Variants in CLSTN2 observed in about 807,000 individuals in gnomAD.
CLSTN2 encodes calsyntenin 2, also known as calsyntenin-2.
In CLSTN2, 48 loss-of-function variants were observed where a neutral mutation model predicts 101.2. That is an observed-to-expected ratio of 0.47 (90% confidence interval 0.38 to 0.60). The LOEUF (loss-of-function observed/expected upper bound fraction) is 0.60, where lower values mean the gene tolerates loss of function less well. CLSTN2 is among the 20% of genes least tolerant of loss of function. CLSTN2 has a pLI of 0.00. For missense variants in CLSTN2, 1,160 were observed against 1,238.2 expected (o/e 0.94, Z 0.95); for synonymous variants, 481 against 463.6 (o/e 1.04, Z -0.48).
intron 2 of CLSTN2, among the ~76,000 whole-genome samples, chr3:140,358,027 A>T (rs1051821138): frequency 8.5e-5 from 13 of 152,120 alleles, no homozygotes; most frequent in African/African-American, 3.1e-4. Context: ...CTCATGTCAC[A>T]TGGGGGTTAA....
chr3:140,330,795 A>G (rs531510441), intron 2 of CLSTN2, among the ~76,000 whole-genome samples: 1 of 152,286 alleles, frequency 6.6e-6, no homozygotes, highest in South Asian at 2.1e-4. Context: ...TGCACATCTA[A>G]CCTGGACTTG....
In CLSTN2 at chr3:140,491,770, C is replaced by A. The variant is rs574711491; in HGVS notation, c.1344+25039C>A. On this transcript the variant is annotated intron_variant, in intron 8 of 16. Coordinates refer to ENST00000458420, the MANE Select transcript of CLSTN2 (RefSeq NM_022131.3). ...CCAGGAGGTTGAGGCTGCAGTGAGCCGAAATTGCACCACTGCACTCCAGCC... is the reference window on the plus strand; with the variant it reads ...CCAGGAGGTTGAGGCTGCAGTGAGCAGAAATTGCACCACTGCACTCCAGCC... Among the ~76,000 whole-genome samples, 4 of 152,116 alleles carry A rather than the reference C, an allele frequency of 2.6e-5. No individual in the cohort carries two copies. The South Asian group carries it at 8.3e-4, about 32-fold the overall frequency.
chr3:140,154,599 T>C (rs763035799), intron 1 of CLSTN2, among the ~76,000 whole-genome samples: 1 of 150,560 alleles, frequency 6.6e-6, no homozygotes, highest in African/African-American at 2.4e-5. Flanking sequence ...GCGAAACACG[T>C]CTTAAATGGT....
intron 2 of CLSTN2, among the ~76,000 whole-genome samples, chr3:140,241,361 G>A (rs1457913522): frequency 1.3e-5 from 2 of 152,148 alleles, no homozygotes; most frequent in African/African-American, 4.8e-5. Context: ...TTAAATCTTA[G>A]TATCCATGTT....
rs935039358 is a variant in CLSTN2 at position 140,575,322 on chromosome 3, C to T, written c.*9069C>T. ...TACAAGTGACAGCACCAGGAACAAC[C>T]CCCTCCCCCAGATGCCAAAGCATTG... On this transcript the variant is annotated 3_prime_UTR_variant, in exon 17 of 17. Coordinates refer to ENST00000458420, the MANE Select transcript of CLSTN2 (RefSeq NM_022131.3). The T allele has an allele frequency of 7.9e-5, 12 of 152,254 alleles. No individual in the cohort carries two copies. The highest frequency in any genetic ancestry group is 5.9e-4 in the Admixed American group (9 of 15,300). The allele number at this position is 152,254 out of a possible 1,614,324, so 9.4% of individuals were successfully genotyped here. A position where few individuals can be genotyped will look rare whatever the true frequency, so the allele number is the denominator to read the frequency against.
intron 1 of CLSTN2, among the ~76,000 whole-genome samples, chr3:140,126,136 G>GATCA (rs2009426193): frequency 6.6e-6 from 1 of 152,154 alleles, no homozygotes; most frequent in Non-Finnish European, 1.5e-5. Flanking sequence ...GGAGAAGAGA[G>GATCA]ATCATTGGGT....
chr3:140,274,981 C>A (rs1381375635), intron 2 of CLSTN2, among the ~76,000 whole-genome samples: 1 of 152,152 alleles, frequency 6.6e-6, no homozygotes, highest in South Asian at 2.1e-4. Context: ...TGGAAGACAG[C>A]TTTTGGGATC....
In CLSTN2 at chr3:140,121,925, C is replaced by A. The variant is rs564387658; in HGVS notation, c.110-54026C>A. Reference sequence around the variant, plus strand: ...ATCTGGCTTGATCTTACCTTCCCTCCTGAGAAAACCAATTCTCATTAAGTC... The same window carrying A: ...ATCTGGCTTGATCTTACCTTCCCTCATGAGAAAACCAATTCTCATTAAGTC... On this transcript the variant is annotated intron_variant, in intron 1 of 16. Transcript: ENST00000458420. Among the ~76,000 whole-genome samples the A allele has an allele frequency of 1.3e-4, 20 of 152,280 alleles. No homozygotes were observed. The South Asian group carries it at 4.2e-3, about 32-fold the overall frequency.
intron 2 of CLSTN2, among the ~76,000 whole-genome samples, chr3:140,378,581 A>G (rs1392998158): frequency 6.6e-6 from 1 of 152,216 alleles, no homozygotes; most frequent in African/African-American, 2.4e-5. Flanking sequence ...CCCGAGACCT[A>G]GGCTTACTTG....
chr3:140,362,434 G>A (rs1235358590), intron 2 of CLSTN2, among the ~76,000 whole-genome samples: 2 of 152,048 alleles, frequency 1.3e-5, no homozygotes, highest in Non-Finnish European at 2.9e-5. Flanking sequence ...TGAAAAGCAT[G>A]ACTCATAAAA....
At chr3:140,234,793 G>T (rs4538338) in intron 2 of CLSTN2, among the ~76,000 whole-genome samples, 57,364 of 152,000 alleles carry the variant, frequency 0.38, 13,006 homozygotes, top group Non-Finnish European at 0.52. Context: ...TCTCCTTATT[G>T]CTCCGTGTAC....
At chr3:140,245,153 G>A (rs1053500256) in intron 2 of CLSTN2, among the ~76,000 whole-genome samples, 1 of 152,176 alleles carries the variant, frequency 6.6e-6, no homozygotes, top group Admixed American at 6.5e-5. Flanking sequence ...TTCCAGGGCT[G>A]GCAATGTGTT....
chr3:140,096,190 A>G (rs1265386080), intron 1 of CLSTN2, among the ~76,000 whole-genome samples: 1 of 152,086 alleles, frequency 6.6e-6, no homozygotes, highest in Non-Finnish European at 1.5e-5. Flanking sequence ...TTTTCTCTTC[A>G]GTGTCCAGTG....
intron 1 of CLSTN2, among the ~76,000 whole-genome samples, chr3:140,056,978 T>C (rs1025175): frequency 0.09 from 13,655 of 152,228 alleles, 698 homozygotes; most frequent in African/African-American, 0.13. Context: ...GCTAGAGTTT[T>C]CTGCCTCATG....
intron 1 of CLSTN2, among the ~76,000 whole-genome samples, chr3:140,026,033 A>T (rs2007413358): frequency 6.6e-6 from 1 of 152,126 alleles, no homozygotes; most frequent in Non-Finnish European, 1.5e-5. Context: ...AGATGGAGTG[A>T]TGGGGAGCAT....
At chr3:140,376,525 C>T (rs1169343949) in intron 2 of CLSTN2, among the ~76,000 whole-genome samples, 1 of 152,180 alleles carries the variant, frequency 6.6e-6, no homozygotes, top group African/African-American at 2.4e-5. Context: ...GTAGAATAAT[C>T]CAGTAGACAA....
intron 5 of CLSTN2, among the ~76,000 whole-genome samples, chr3:140,424,696 G>A (rs2088545183): frequency 1.3e-5 from 2 of 152,324 alleles, no homozygotes; most frequent in East Asian, 1.9e-4. Flanking sequence ...AATGCCTTGG[G>A]GGAAAGGTTT....
chr3:140,262,024 A>G (rs939000642), intron 2 of CLSTN2, among the ~76,000 whole-genome samples: 19 of 152,152 alleles, frequency 1.2e-4, no homozygotes, highest in African/African-American at 4.6e-4. Context: ...CAGATTTTAG[A>G]GTTGTCCTGT....
intron 2 of CLSTN2, among the ~76,000 whole-genome samples, chr3:140,319,672 G>A (rs2087263297): frequency 1.3e-5 from 2 of 152,182 alleles, no homozygotes; most frequent in South Asian, 4.1e-4. Flanking sequence ...CATGATAAGA[G>A]GTTTGTCAGG....
Sources: gnomAD v4.1 joint callset for allele counts (sites outside exome capture counted in the v4.1 genomes callset) on GRCh38, gnomAD v4.1.1 for gene constraint, MANE v1.5 for transcripts, NCBI Gene and HGNC (gene_info 2026-07-23, HGNC 2026-07-21) for gene names.